Variants in ABHD6 observed in about 807,000 individuals in gnomAD.
ABHD6 encodes the protein abhydrolase domain containing 6, acylglycerol lipase, also known as monoacylglycerol lipase ABHD6.
A neutral mutation model predicts 38.8 loss-of-function variants in ABHD6; 33 were observed. That is an observed-to-expected ratio of 0.85 (90% CI 0.64 to 1.14). The LOEUF (loss-of-function observed/expected upper bound fraction) is 1.14, where lower values mean the gene tolerates loss of function less well. Ranked by LOEUF, ABHD6 falls within the 50% of genes most tolerant of loss-of-function variation. ABHD6 has a pLI of 0.00. For synonymous variants in ABHD6, 147 were observed against 161.6 expected (o/e 0.91, Z 0.69); for missense variants, 380 against 422.6 (o/e 0.90, Z 0.88).
intron 2 of ABHD6, among the ~76,000 whole-genome samples, chr3:58,254,817 G>A (rs2097432163): frequency 6.9e-6 from 1 of 145,916 alleles, no homozygotes; most frequent in Admixed American, 7.0e-5. Context: ...TATACTTTAT[G>A]ATATATATGT....
intron 7 of ABHD6, 146 bp from the exon 8 acceptor site, chr3:58,284,939 C>A (rs2097455851): frequency 4.4e-6 from 3 of 686,788 alleles, no homozygotes; most frequent in South Asian, 1.7e-5. Context: ...TGTGCTGCAT[C>A]ATGGGAATTC....
intron 9 of ABHD6, among the ~76,000 whole-genome samples, chr3:58,289,895 T>C (rs1288071732): frequency 3.0e-3 from 224 of 75,208 alleles, no homozygotes; most frequent in Middle Eastern, 0.015. Flanking sequence ...CCGGACGGGG[T>C]GGCTGGCCGG....
chr3:58,279,817 T>C (rs942693177), intron 7 of ABHD6, among the ~76,000 whole-genome samples: 45 of 152,362 alleles, frequency 3.0e-4, no homozygotes, highest in African/African-American at 1.1e-3. Context: ...TTTGCTTGTC[T>C]GTAAAGGATT....
rs527246611 is a variant in ABHD6, at chr3:58,270,823, T to C, written c.391-109T>C. Reference sequence around the variant, plus strand: ...GTAGAGTTTCAGACTCTTTAAACAGTAGTCATTTTCAGTTGTCCATAGGAA... The same window carrying C: ...GTAGAGTTTCAGACTCTTTAAACAGCAGTCATTTTCAGTTGTCCATAGGAA... On this transcript the variant is annotated intron_variant, in intron 5 of 9. Coordinates refer to ENST00000478253, the MANE Select transcript of ABHD6 (RefSeq NM_001320126.2). 2.3e-5 allele frequency: 28 copies of C among 1,239,084 alleles called. No homozygotes were observed. The African/African-American group carries it at 3.6e-4, about 16-fold the overall frequency. The allele number at this position is 1,239,084 out of a possible 1,614,324, so 76.8% of individuals were successfully genotyped here.
rs189615733 is a variant in ABHD6, at chr3:58,269,210, C to T, written c.277-111C>T. 2.4e-5 allele frequency: 17 copies of T among 716,140 alleles called. No individual in the cohort carries two copies. The East Asian group carries it at 4.7e-4, about 20-fold the overall frequency. The allele number at this position is 716,140 out of a possible 1,614,324, so 44.4% of individuals were successfully genotyped here. ...AAACACTGAGTGGCCAAGACCCATA[C>T]ATCCCCAGGGATGGCTGTCTGGGTC... On this transcript the variant is annotated intron_variant, in intron 4 of 9. Transcript: ENST00000478253. This position sits in a 1 kb window ranked among gnomAD's most constrained non-coding sequence, Gnocchi z 4.4.
At chr3:58,246,693 C>T (rs562134844) in intron 1 of ABHD6, among the ~76,000 whole-genome samples, 3 of 151,808 alleles carry the variant, frequency 2.0e-5, no homozygotes, top group African/African-American at 7.3e-5. Context: ...CAGTACCTCT[C>T]CCAGAATCAC....
At chr3:58,288,215 C>T (rs2097458837) in intron 9 of ABHD6, among the ~76,000 whole-genome samples, 1 of 152,298 alleles carries the variant, frequency 6.6e-6, no homozygotes. Flanking sequence ...CCTGCTCTGT[C>T]ATCAACATTT....
intron 9 of ABHD6, among the ~76,000 whole-genome samples, chr3:58,286,876 G>A (rs13080774): frequency 0.029 from 1,089 of 38,044 alleles, 1 homozygote; most frequent in East Asian, 0.16. Flanking sequence ...ATATGTATAT[G>A]TATATATAAG....
At position 58,269,827 on chromosome 3, in the gene ABHD6, A is replaced by G. The variant is rs1426440561; in HGVS notation, c.390+393A>G. Among the ~76,000 whole-genome samples, 1 of 152,134 alleles carries G rather than the reference A, an allele frequency of 6.6e-6. No individual in the cohort carries two copies. Among genetic ancestry groups the G allele is most frequent in the South Asian group, 2.1e-4 (1 of 4,828 alleles). ...TCTTCACATTATAACGTACTTTAGC[A>G]TCTATTGCTAGCACCTATTTTAGAA... On this transcript the variant is annotated intron_variant, in intron 5 of 9. Coordinates refer to ENST00000478253, the MANE Select transcript of ABHD6 (RefSeq NM_001320126.2). The surrounding 1 kb of genome is among the most constrained non-coding windows in gnomAD (Gnocchi z 4.4).
rs1271656342 is a variant in ABHD6, at chr3:58,273,450, C to T, written c.524-1208C>T. ...CATATGTTTATTGCAGCACTATTTA[C>T]GATAGCAAAGACTTGGAACTAACCC... On this transcript the variant is annotated intron_variant, in intron 6 of 9. Coordinates refer to ENST00000478253, the MANE Select transcript of ABHD6 (RefSeq NM_001320126.2). The surrounding 1 kb of genome is among the most constrained non-coding windows in gnomAD (Gnocchi z 4.8). Among the ~76,000 whole-genome samples, 2 of 151,986 alleles carry T rather than the reference C, an allele frequency of 1.3e-5. No individual in the cohort carries two copies. The highest frequency in any genetic ancestry group is 2.4e-5 in the African/African-American group (1 of 41,352).
rs1254303958 is a variant in ABHD6, at chr3:58,257,701, T to G, written c.119+996T>G. On this transcript the variant is annotated intron_variant, in intron 3 of 9. Transcript: ENST00000478253. This position sits in a 1 kb window ranked among gnomAD's most constrained non-coding sequence, Gnocchi z 4.8. ...TCTGACCCTGTGATGTCCTGACAGG[T>G]GCAGCGATGTCACTGAAAAATGAAC... Among the ~76,000 whole-genome samples, 1 of 152,102 alleles carries G rather than the reference T, an allele frequency of 6.6e-6. No homozygotes were observed. The highest frequency in any genetic ancestry group is 1.5e-5 in the Non-Finnish European group (1 of 68,036).
rs545736867 is a variant in ABHD6 at position 58,265,487 on chromosome 3, A to G, written c.120-1702A>G. Reference sequence around the variant, plus strand: ...AAGGACAAAATCATCTTTACATAATACTAATAACTATCATGTACTGAATAC... The same window carrying G: ...AAGGACAAAATCATCTTTACATAATGCTAATAACTATCATGTACTGAATAC... On this transcript the variant is annotated intron_variant, in intron 3 of 9. Coordinates refer to ENST00000478253, the MANE Select transcript of ABHD6 (RefSeq NM_001320126.2). This position sits in a 1 kb window ranked among gnomAD's most constrained non-coding sequence, Gnocchi z 4.2. Among the ~76,000 whole-genome samples, 25 of 152,356 alleles carry G rather than the reference A, an allele frequency of 1.6e-4. No homozygotes were observed. The highest frequency in any genetic ancestry group is 9.6e-4 in the East Asian group (5 of 5,192).
At position 58,273,313 on chromosome 3, in the gene ABHD6, A is replaced by G. The variant is rs530194395; in HGVS notation, c.524-1345A>G. ...GGTAGCTCACACCTGTAATCCCAAC[A>G]CTTTGGGAGGCTAAGAGAGGAGGAT... On this transcript the variant is annotated intron_variant, in intron 6 of 9. Coordinates refer to ENST00000478253, the MANE Select transcript of ABHD6 (RefSeq NM_001320126.2). The surrounding 1 kb of genome is among the most constrained non-coding windows in gnomAD (Gnocchi z 4.8). Among the ~76,000 whole-genome samples, 58 of 152,236 alleles carry G rather than the reference A, an allele frequency of 3.8e-4. No homozygotes were observed. Among genetic ancestry groups the G allele is most frequent in the Non-Finnish European group, 7.2e-4 (49 of 68,010 alleles).
At position 58,267,323 on chromosome 3, in the gene ABHD6, A is replaced by G. The variant is rs892043395; in HGVS notation, c.254A>G (p.Asp85Gly). 2 of 1,614,074 alleles carry G rather than the reference A, an allele frequency of 1.2e-6. No individual in the cohort carries two copies. The highest frequency in any genetic ancestry group is 1.7e-6 in the Non-Finnish European group (2 of 1,179,988). ...CTCCACGGATTCTCTGCCCACAAGGATATGTGGCTCAGTGTGGTCAAGGTG... is the reference window on the plus strand; with the variant it reads ...CTCCACGGATTCTCTGCCCACAAGGGTATGTGGCTCAGTGTGGTCAAGGTG... ...LMLHGFSAHK[D>G]MWLSVVKFLP... The change falls in exon 4 of 10, where the codon GAT becomes GGT. Residue 85 changes from aspartate (D) to glycine (G), a missense_variant. Asp to Gly is a moderately conservative substitution (Grantham distance 94). Coordinates refer to ENST00000478253, the MANE Select transcript of ABHD6 (RefSeq NM_001320126.2). This position sits in a 1 kb window ranked among gnomAD's most constrained non-coding sequence, Gnocchi z 4.3.
rs909944027 is a variant in ABHD6 at position 58,238,031 on chromosome 3, G to C, written c.-91+115G>C. On this transcript the variant is annotated intron_variant, in intron 1 of 9. Coordinates refer to ENST00000478253, the MANE Select transcript of ABHD6 (RefSeq NM_001320126.2). This position sits in a 1 kb window ranked among gnomAD's most constrained non-coding sequence, Gnocchi z 6.9. Reference sequence around the variant, plus strand: ...TGCAGCGGCGCATCGAGTGGAAAGAGTCGGCGATCTGCACTTGCCTTTCCA... The same window carrying C: ...TGCAGCGGCGCATCGAGTGGAAAGACTCGGCGATCTGCACTTGCCTTTCCA... 6.6e-6 allele frequency: 1 copy of C among 152,316 alleles called. No homozygotes were observed. Among genetic ancestry groups the C allele is most frequent in the African/African-American group, 2.4e-5 (1 of 41,420 alleles). The allele number at this position is 152,316 out of a possible 1,614,324, so 9.4% of individuals were successfully genotyped here.
chr3:58,282,550 G>A (rs1028386759), intron 7 of ABHD6, among the ~76,000 whole-genome samples: 1 of 152,054 alleles, frequency 6.6e-6, no homozygotes, highest in African/African-American at 2.4e-5. Context: ...TGGGCAACGT[G>A]GTGAAGCCCC....
chr3:58,281,552 A>G (rs2097453256), intron 7 of ABHD6, among the ~76,000 whole-genome samples: 1 of 152,230 alleles, frequency 6.6e-6, no homozygotes, highest in Admixed American at 6.5e-5. Flanking sequence ...TGCACTTCCC[A>G]GGTGAGGCGA....
rs765943314 is a variant in ABHD6, at chr3:58,269,790, TG to T, written c.390+360del. On this transcript the variant is annotated intron_variant, in intron 5 of 9. Transcript: ENST00000478253. This position sits in a 1 kb window ranked among gnomAD's most constrained non-coding sequence, Gnocchi z 4.4. The stretch of plus-strand genomic sequence containing the variant: ...AACAGTAATAGCCCCTCTGCCTAGC[TG>T]GGGAGGGTGTTCTTCACATTATAAC... Among the ~76,000 whole-genome samples the T allele has an allele frequency of 1.6e-4, 24 of 152,330 alleles. No homozygotes were observed. Among genetic ancestry groups the T allele is most frequent in the South Asian group, 4.1e-4 (2 of 4,832 alleles).
intron 2 of ABHD6, among the ~76,000 whole-genome samples, chr3:58,252,226 C>CTTTT (rs1238327583): frequency 2.8e-5 from 2 of 71,258 alleles, no homozygotes; most frequent in African/African-American, 1.6e-4. Context: ...AAATTGACTG[C>CTTTT]TTGTTTTTTT....
Sources: allele counts gnomAD v4.1 joint callset (sites outside exome capture counted in the v4.1 genomes callset), GRCh38; gene constraint gnomAD v4.1.1; non-coding constraint Gnocchi (gnomAD v3.1); transcripts MANE v1.5; gene names NCBI Gene and HGNC (gene_info 2026-07-23, HGNC 2026-07-21).